Variants in AOPEP observed in about 807,000 individuals in gnomAD.
AOPEP encodes aminopeptidase O (putative).
A neutral mutation model predicts 98.1 loss-of-function variants in AOPEP; 77 were observed. The ratio of observed to expected loss-of-function variants is 0.78; its 90% CI spans 0.65 to 0.95. The LOEUF (loss-of-function observed/expected upper bound fraction) is 0.95, where lower values mean the gene tolerates loss of function less well. Among genes scored for constraint, AOPEP ranks in the 40% least tolerant of loss-of-function variants. The probability of loss-of-function intolerance (pLI) is 0.00; values close to 1 mark genes in which losing one functional copy is unlikely to be tolerated. For missense variants in AOPEP, 1,024 were observed against 1,024.7 expected, an observed-to-expected ratio of 1.00 and a Z score of 0.01; for synonymous variants, 346 against 365.3, an observed-to-expected ratio of 0.95 and a Z score of 0.60.
the AOPEP span, chr9:95,110,574 A>G: frequency 9.7e-7 from 1 of 1,034,108 alleles, no homozygotes; most frequent in African/African-American, 1.7e-5. Context: ...TCAACTTTTT[A>G]AAATCTAAAA....
chr9:94,919,791 T>C (rs1402526418), intron 5 of AOPEP, among the ~76,000 whole-genome samples: 2 of 152,052 alleles, frequency 1.3e-5, no homozygotes, highest in Non-Finnish European at 2.9e-5. Flanking sequence ...CTGCTGCTCA[T>C]GATTATAAGA....
intron 1 of AOPEP, among the ~76,000 whole-genome samples, chr9:94,728,304 A>T (rs1327597055): frequency 1.3e-5 from 2 of 151,904 alleles, no homozygotes; most frequent in Non-Finnish European, 2.9e-5. Flanking sequence ...GATAAATGGC[A>T]AACAAGATTG....
chr9:94,782,519 G>C (rs551510140), intron 3 of AOPEP, among the ~76,000 whole-genome samples: 52 of 152,306 alleles, frequency 3.4e-4, no homozygotes, highest in African/African-American at 1.1e-3. Context: ...TGAGAGTCCA[G>C]ACCCTCCTGT....
At chr9:94,908,404 C>T (rs1300375960) in intron 5 of AOPEP, among the ~76,000 whole-genome samples, 1 of 152,188 alleles carries the variant, frequency 6.6e-6, no homozygotes, top group East Asian at 1.9e-4. Flanking sequence ...GTTCACTTTA[C>T]ACTATCTCCT....
In AOPEP at chr9:94,839,524, A is replaced by G. The variant is rs528041056; in HGVS notation, c.1364+38522A>G. On this transcript the variant is annotated intron_variant, in intron 5 of 16. Transcript: ENST00000375315. The stretch of plus-strand genomic sequence containing the variant: ...AGCTGTGAGCCACTACACCCGGCCT[A>G]TAAGTGGTATTCTTTTTGTATTTTA... Among the ~76,000 whole-genome samples, 9 of 152,064 alleles carry G rather than the reference A, an allele frequency of 5.9e-5. No homozygotes were observed. The East Asian group carries it at 1.6e-3, about 26-fold the overall frequency.
chr9:94,969,080 C>T (rs1021566204), intron 10 of AOPEP, among the ~76,000 whole-genome samples: 2 of 152,154 alleles, frequency 1.3e-5, no homozygotes, highest in Non-Finnish European at 2.9e-5. Context: ...CCCAAGCAGT[C>T]TGGCTCTAGA....
At chr9:94,841,917 G>A (rs531684201) in intron 5 of AOPEP, among the ~76,000 whole-genome samples, 3 of 152,220 alleles carry the variant, frequency 2.0e-5, no homozygotes, top group African/African-American at 7.2e-5. Context: ...GCTGCGTGTG[G>A]TGGCACATGC....
the AOPEP span, chr9:95,135,545 A>G: frequency 6.3e-7 from 1 of 1,581,298 alleles, no homozygotes; most frequent in Non-Finnish European, 8.7e-7. Context: ...GAAATGGCTC[A>G]CTGAAAAAAG....
intron 5 of AOPEP, among the ~76,000 whole-genome samples, chr9:94,849,479 A>G (rs181240104): frequency 6.0e-4 from 88 of 147,032 alleles, no homozygotes; most frequent in African/African-American, 1.7e-3. Flanking sequence ...TTACTTGGTA[A>G]CATTTCTTTT....
intron 13 of AOPEP, among the ~76,000 whole-genome samples, chr9:95,060,071 A>G (rs2067197807): frequency 6.6e-6 from 1 of 152,218 alleles, no homozygotes; most frequent in Non-Finnish European, 1.5e-5. Flanking sequence ...CCATTCCTGT[A>G]TGAGAACTCA....
intron 11 of AOPEP, chr9:95,004,218 C>T (rs575000470): frequency 4.4e-6 from 2 of 456,402 alleles, no homozygotes; most frequent in African/African-American, 4.0e-5. Context: ...GTTCCAGCAA[C>T]TGCTGATGCG....
At chr9:95,045,712 T>C (rs1371551125) in intron 13 of AOPEP, among the ~76,000 whole-genome samples, 1 of 152,174 alleles carries the variant, frequency 6.6e-6, no homozygotes, top group African/African-American at 2.4e-5. Context: ...GTGGTCCTCG[T>C]GCTTCTAATT....
chr9:94,967,662 G>C (rs2059290041), intron 9 of AOPEP, 96 bp from the exon 10 acceptor site: 14 of 934,264 alleles, frequency 1.5e-5, no homozygotes, highest in Middle Eastern at 4.2e-4. Flanking sequence ...AAGCAGGTGA[G>C]CTGTCAGTAG....
At chr9:94,860,805 C>G (rs1037372293) in intron 5 of AOPEP, among the ~76,000 whole-genome samples, 12 of 152,276 alleles carry the variant, frequency 7.9e-5, no homozygotes, top group Admixed American at 1.3e-4. Flanking sequence ...TAAGAAGCCA[C>G]TTAGCACAGT....
At chr9:95,091,506 A>G (rs1438634221), downstream of AOPEP, among the ~76,000 whole-genome samples, 3 of 152,158 alleles carry the variant, frequency 2.0e-5, no homozygotes, top group African/African-American at 4.8e-5. Context: ...CAGTCACTGT[A>G]TAGGGGCACG....
intron 9 of AOPEP, among the ~76,000 whole-genome samples, chr9:94,962,064 C>T (rs1564452338): frequency 6.6e-6 from 1 of 152,134 alleles, no homozygotes; most frequent in Admixed American, 6.5e-5. Context: ...TGTATACAGC[C>T]TTTGTTGGGA....
At chr9:94,882,149 A>C (rs1453305883) in intron 5 of AOPEP, among the ~76,000 whole-genome samples, 2 of 152,212 alleles carry the variant, frequency 1.3e-5, no homozygotes, top group African/African-American at 4.8e-5. Context: ...TTTGTAAGAC[A>C]TCTGTCCAAC....
At chr9:95,057,710 A>AT (rs564275068) in intron 13 of AOPEP, among the ~76,000 whole-genome samples, 194 of 152,072 alleles carry the variant, frequency 1.3e-3, no homozygotes, top group African/African-American at 4.2e-3. Context: ...TTGTTCACTG[A>AT]TTTTTTTTCC....
chr9:95,081,528 C>G (rs1413260775), intron 15 of AOPEP, among the ~76,000 whole-genome samples: 2 of 152,166 alleles, frequency 1.3e-5, no homozygotes, highest in Admixed American at 6.5e-5. Context: ...TTGATAGGGT[C>G]TCAGTGTGGG....
Sources: allele counts gnomAD v4.1 joint callset (sites outside exome capture counted in the v4.1 genomes callset), GRCh38; gene constraint gnomAD v4.1.1; transcripts MANE v1.5; gene names NCBI Gene and HGNC (gene_info 2026-07-23, HGNC 2026-07-21).